The following GRIA1 variants were observed in gnomAD, a reference collection of about 807,000 sequenced individuals.
GRIA1 encodes the protein glutamate ionotropic receptor AMPA type subunit 1.
Under a neutral mutation model 99.2 loss-of-function variants are expected in GRIA1, and 31 were observed. That is an observed-to-expected ratio of 0.31 (90% CI 0.23 to 0.42). GRIA1 has a LOEUF of 0.42. GRIA1 is among the 10% of genes least tolerant of loss of function. GRIA1 has a pLI of 1.00. For missense variants in GRIA1, 782 were observed against 1,157.5 expected, an observed-to-expected ratio of 0.68 and a Z score of 4.71; for synonymous variants, 438 against 432.4, an observed-to-expected ratio of 1.01 and a Z score of -0.16.
intron 11 of GRIA1, among the ~76,000 whole-genome samples, chr5:153,708,614 G>A (rs1017600036): frequency 7.2e-5 from 11 of 152,188 alleles, no homozygotes; most frequent in East Asian, 1.9e-4. Flanking sequence ...CACAGGAAGC[G>A]CTATAACTGG....
chr5:153,672,985 T>C (rs2149483699), intron 5 of GRIA1, among the ~76,000 whole-genome samples: 1 of 152,304 alleles, frequency 6.6e-6, no homozygotes, highest in African/African-American at 2.4e-5. Flanking sequence ...CATTCCATTT[T>C]TTTTCTTCCT....
intron 2 of GRIA1, among the ~76,000 whole-genome samples, chr5:153,562,642 G>T (rs1407565866): frequency 6.6e-6 from 1 of 152,192 alleles, no homozygotes; most frequent in Non-Finnish European, 1.5e-5. Flanking sequence ...AAGACTGTTT[G>T]TGATGCTTGA....
intron 2 of GRIA1, among the ~76,000 whole-genome samples, chr5:153,645,251 T>C (rs1293855965): frequency 1.3e-5 from 2 of 152,062 alleles, no homozygotes; most frequent in Admixed American, 1.3e-4. Context: ...ATGTTAATGA[T>C]CACCTGCCAG....
At chr5:153,673,165 C>T (rs1448641384) in intron 5 of GRIA1, among the ~76,000 whole-genome samples, 2 of 152,210 alleles carry the variant, frequency 1.3e-5, no homozygotes, top group Non-Finnish European at 2.9e-5. Flanking sequence ...CAATCATCCT[C>T]TCACCTCTGG....
At chr5:153,678,843 C>A (rs1037446977) in intron 7 of GRIA1, among the ~76,000 whole-genome samples, 2 of 152,224 alleles carry the variant, frequency 1.3e-5, no homozygotes, top group Non-Finnish European at 2.9e-5. Context: ...CCAGCTGGGC[C>A]CCTGGCTCTC....
intron 2 of GRIA1, among the ~76,000 whole-genome samples, chr5:153,566,749 T>C (rs536797349): frequency 7.2e-6 from 1 of 138,266 alleles, no homozygotes; most frequent in South Asian, 2.3e-4. Context: ...GGAGTTTTGC[T>C]CTTGTCGCCC....
At position 153,770,409 on chromosome 5, in the gene GRIA1, C is replaced by T; in HGVS notation, c.2264C>T (p.Ala755Val). 1 of 1,611,692 alleles carries T rather than the reference C, an allele frequency of 6.2e-7. No individual in the cohort carries two copies. The highest frequency in any genetic ancestry group is 1.1e-5 in the South Asian group (1 of 91,022). Residue 755 changes from alanine (A) to valine (V), a missense_variant, in exon 13 of 16, where the codon GCC becomes GTC. Physicochemically the swap from Ala to Val is moderately conservative, Grantham distance 64 (BLOSUM62 0). Coordinates refer to ENST00000285900, the MANE Select transcript of GRIA1 (RefSeq NM_000827.4). ...GYGIATPKGS[A>V]LRNPVNLAVL... ...GGCATTGCAACACCCAAGGGGTCTG[C>T]CCTGAGGTAAGTAGCCAAGATTTGC...
intron 5 of GRIA1, among the ~76,000 whole-genome samples, chr5:153,666,444 G>C (rs1339737000): frequency 2.6e-5 from 4 of 152,162 alleles, no homozygotes; most frequent in Non-Finnish European, 4.4e-5. Context: ...CTGATCTCAT[G>C]GAAGCCTGAT....
chr5:153,774,082 A>C (rs57001955), intron 13 of GRIA1, among the ~76,000 whole-genome samples: 60,519 of 92,668 alleles, frequency 0.65, 16,805 homozygotes, highest in East Asian at 0.94. Flanking sequence ...CTCCCCCCAC[A>C]CACACACACA....
intron 14 of GRIA1, among the ~76,000 whole-genome samples, chr5:153,796,536 T>A (rs559435129): frequency 6.6e-6 from 1 of 152,200 alleles, no homozygotes; most frequent in South Asian, 2.1e-4. Flanking sequence ...GTGATCAGTG[T>A]TAAAGATGAT....
chr5:153,622,839 A>G (rs1314102879), intron 2 of GRIA1, among the ~76,000 whole-genome samples: 1 of 152,198 alleles, frequency 6.6e-6, no homozygotes. Flanking sequence ...CACTTCAATG[A>G]AGGGAAATTA....
chr5:153,603,231 G>A lies in GRIA1; in HGVS notation c.221-43697G>A, dbSNP rs144662849. ...AATGATGATTTCCAATTTCATCCATGTCCCTACAAAGGACATGAACTCATC... is the reference window on the plus strand; with the variant it reads ...AATGATGATTTCCAATTTCATCCATATCCCTACAAAGGACATGAACTCATC... On this transcript the variant is annotated intron_variant, in intron 2 of 15. Coordinates refer to ENST00000285900, the MANE Select transcript of GRIA1 (RefSeq NM_000827.4). Among the ~76,000 whole-genome samples, 1,435 of 152,188 alleles carry A rather than the reference G, an allele frequency of 9.4e-3. 20 individuals carry two copies. Among genetic ancestry groups the A allele is most frequent in the African/African-American group, 0.033 (1,354 of 41,512 alleles).
intron 1 of GRIA1, chr5:153,492,061 T>G: frequency 1.7e-6 from 2 of 1,175,092 alleles, no homozygotes; most frequent in Non-Finnish European, 2.3e-6. Context: ...GCATCTTCGT[T>G]GGTTTGGTTT....
chr5:153,608,795 G>T (rs888215671), intron 2 of GRIA1, among the ~76,000 whole-genome samples: 2 of 151,152 alleles, frequency 1.3e-5, no homozygotes, highest in African/African-American at 4.9e-5. Context: ...CTGTATAACA[G>T]TTTTTTTTTA....
chr5:153,792,323 A>G (rs181198274), intron 13 of GRIA1, among the ~76,000 whole-genome samples: 5 of 152,176 alleles, frequency 3.3e-5, no homozygotes, highest in Admixed American at 3.3e-4. Flanking sequence ...CCCAAACAGG[A>G]TTATTTGCCT....
chr5:153,712,164 G>A lies in GRIA1; in HGVS notation c.1823+6097G>A, dbSNP rs369751789. 5.3e-5 allele frequency among the ~76,000 whole-genome samples: 8 copies of A among 152,292 alleles called. No individual in the cohort carries two copies. In the East Asian group the frequency reaches 1.4e-3, roughly 26 times the overall value. ...CCTCCCGGGTTCAAGCAATTCTCAT[G>A]CCTCAGCCTCCCCAGTAGCTGGCAT... On this transcript the variant is annotated intron_variant, in intron 11 of 15. Coordinates refer to ENST00000285900, the MANE Select transcript of GRIA1 (RefSeq NM_000827.4).
chr5:153,601,059 A>G (rs997506208), intron 2 of GRIA1, among the ~76,000 whole-genome samples: 2 of 152,184 alleles, frequency 1.3e-5, no homozygotes, highest in African/African-American at 2.4e-5. Context: ...CTTTGCAGGG[A>G]CATTGTCAAG....
intron 2 of GRIA1, among the ~76,000 whole-genome samples, chr5:153,527,069 G>A (rs1416502281): frequency 6.6e-6 from 1 of 152,134 alleles, no homozygotes; most frequent in Non-Finnish European, 1.5e-5. Flanking sequence ...GTGAATCTGT[G>A]ACATGGAGGC....
At chr5:153,641,605 C>T (rs1301669306) in intron 2 of GRIA1, among the ~76,000 whole-genome samples, 1 of 152,204 alleles carries the variant, frequency 6.6e-6, no homozygotes, top group African/African-American at 2.4e-5. Flanking sequence ...GAATCTGACA[C>T]TCTGGCAGGG....
Sources: gnomAD v4.1 joint callset for allele counts (sites outside exome capture counted in the v4.1 genomes callset) on GRCh38, gnomAD v4.1.1 for gene constraint, MANE v1.5 for transcripts, NCBI Gene and HGNC (gene_info 2026-07-23, HGNC 2026-07-21) for gene names.